The following VTI1A variants were observed in gnomAD, a reference collection of about 807,000 sequenced individuals.
VTI1A encodes the protein vesicle transport through interaction with t-SNAREs homolog 1A.
Under a neutral mutation model 34.9 loss-of-function variants are expected in VTI1A, and 22 were observed. The observed-to-expected ratio is 0.63, with a 90% CI of 0.45 to 0.90. The LOEUF is 0.90. Among genes scored for constraint, VTI1A ranks in the 40% least tolerant of loss-of-function variants. VTI1A has a pLI of 0.00. For synonymous variants in VTI1A, 87 were observed against 97.3 expected (o/e 0.89, Z 0.62); for missense variants, 268 against 275.6 (o/e 0.97, Z 0.20).
intron 5 of VTI1A, among the ~76,000 whole-genome samples, chr10:112,598,198 C>G (rs543144107): frequency 3.9e-5 from 6 of 152,196 alleles, no homozygotes; most frequent in African/African-American, 1.4e-4. Flanking sequence ...AGTTTTCTTG[C>G]AGTAAACTCT....
intron 5 of VTI1A, among the ~76,000 whole-genome samples, chr10:112,612,751 G>A (rs1360750154): frequency 6.6e-6 from 1 of 152,186 alleles, no homozygotes; most frequent in Non-Finnish European, 1.5e-5. Flanking sequence ...AGAAGGCTTT[G>A]TAGATAATAA....
Position 112,504,413 on chromosome 10 carries a change from G to A in VTI1A, c.265-22674G>A, listed in dbSNP as rs80193911. Among the ~76,000 whole-genome samples, 532 of 152,230 alleles carry A rather than the reference G, an allele frequency of 3.5e-3. 4 individuals are homozygous for A. Among genetic ancestry groups the A allele is most frequent in the African/African-American group, 0.012 (518 of 41,538 alleles). ...AAAATGGCACATCACACGAAAGACA[G>A]CATATGCTATACACACTATTTTACA... On this transcript the variant is annotated intron_variant, in intron 3 of 7. Transcript: ENST00000393077.
At chr10:112,544,627 A>G (rs1486653624) in intron 5 of VTI1A, among the ~76,000 whole-genome samples, 1 of 150,156 alleles carries the variant, frequency 6.7e-6, no homozygotes, top group East Asian at 2.0e-4. Context: ...CGCCTCCAGA[A>G]AAAAAAAAAA....
At chr10:112,783,401 G>GCTCACA (rs1491281369) in intron 7 of VTI1A, among the ~76,000 whole-genome samples, 1 of 150,310 alleles carries the variant, frequency 6.7e-6, no homozygotes, top group Non-Finnish European at 1.5e-5. Context: ...GCGTGCACGT[G>GCTCACA]CACACACACA....
chr10:112,558,032 C>T (rs1329593591), intron 5 of VTI1A, among the ~76,000 whole-genome samples: 1 of 152,188 alleles, frequency 6.6e-6, no homozygotes, highest in Non-Finnish European at 1.5e-5. Context: ...AGAAAATACG[C>T]ATGCACGTGT....
intron 3 of VTI1A, among the ~76,000 whole-genome samples, chr10:112,520,408 T>C (rs1849970501): frequency 6.6e-6 from 1 of 152,016 alleles, no homozygotes. Flanking sequence ...GAAACATTCA[T>C]GCTAAATTTA....
chr10:112,838,612 G>C, the VTI1A span, among the ~76,000 whole-genome samples: 6 of 152,260 alleles, frequency 3.9e-5, no homozygotes, highest in Non-Finnish European at 5.9e-5. Flanking sequence ...GGAACTCAGA[G>C]ACCCTTCACT....
chr10:112,604,181 C>T (rs1844986217), intron 5 of VTI1A, among the ~76,000 whole-genome samples: 1 of 152,178 alleles, frequency 6.6e-6, no homozygotes, highest in Admixed American at 6.5e-5. Flanking sequence ...CCTGGTTTTA[C>T]ATTTCAGCTG....
chr10:112,697,639 G>C (rs1017531980), intron 7 of VTI1A, among the ~76,000 whole-genome samples: 4 of 151,830 alleles, frequency 2.6e-5, no homozygotes. Context: ...CAGGTGATCC[G>C]CCCACCTCAG....
At chr10:112,673,631 C>G (rs1160500533) in intron 7 of VTI1A, among the ~76,000 whole-genome samples, 2 of 152,202 alleles carry the variant, frequency 1.3e-5, no homozygotes, top group Non-Finnish European at 2.9e-5. Context: ...TGCAGTTGAC[C>G]TAGCCAGGAC....
chr10:112,827,223 G>A, the VTI1A span: 7 of 152,150 alleles, frequency 4.6e-5, no homozygotes, highest in Admixed American at 3.3e-4. Flanking sequence ...CTAATTAATC[G>A]CTCTTCTCCG....
chr10:112,743,599 G>C (rs1414708775), intron 7 of VTI1A, among the ~76,000 whole-genome samples: 1 of 152,100 alleles, frequency 6.6e-6, no homozygotes, highest in Non-Finnish European at 1.5e-5. Flanking sequence ...TGAGCCAGGG[G>C]GGAGATATTT....
intron 4 of VTI1A, among the ~76,000 whole-genome samples, chr10:112,534,103 T>G (rs1453925210): frequency 1.3e-5 from 2 of 152,140 alleles, no homozygotes; most frequent in Non-Finnish European, 2.9e-5. Flanking sequence ...AAAGCTTTCG[T>G]CATTGTTAAA....
At chr10:112,813,481 T>A (rs1379346746) in intron 7 of VTI1A, among the ~76,000 whole-genome samples, 2 of 152,180 alleles carry the variant, frequency 1.3e-5, no homozygotes, top group Non-Finnish European at 2.9e-5. Context: ...CTGATGCGGG[T>A]GACTGTGGTA....
At chr10:112,656,933 G>A (rs34631421) in intron 5 of VTI1A, among the ~76,000 whole-genome samples, 16,878 of 152,074 alleles carry the variant, frequency 0.11, 974 homozygotes, top group Middle Eastern at 0.14. Flanking sequence ...TGATAGCGAG[G>A]GAGTTAGTTA....
intron 7 of VTI1A, among the ~76,000 whole-genome samples, chr10:112,675,030 A>G (rs779617389): frequency 1.3e-5 from 2 of 152,228 alleles, no homozygotes; most frequent in African/African-American, 2.4e-5. Flanking sequence ...AGTAAATAGA[A>G]AAATAAATAC....
chr10:112,623,772 G>C (rs1038811705), intron 5 of VTI1A, among the ~76,000 whole-genome samples: 1 of 152,150 alleles, frequency 6.6e-6, no homozygotes, highest in Admixed American at 6.5e-5. Flanking sequence ...AAAATACTGC[G>C]AGGGTTTCCA....
At chr10:112,642,971 T>A (rs923508472) in intron 5 of VTI1A, among the ~76,000 whole-genome samples, 3 of 114,938 alleles carry the variant, frequency 2.6e-5, no homozygotes, top group African/African-American at 9.1e-5. Context: ...TTCTTTTTTT[T>A]CTTTTCTTTT....
chr10:112,527,367 T>C (rs1051931473), intron 4 of VTI1A: 5 of 405,716 alleles, frequency 1.2e-5, no homozygotes, highest in African/African-American at 1.0e-4. Flanking sequence ...GTGATCACTG[T>C]CTGCTATCTT....
Sources: gnomAD v4.1 joint callset for allele counts (sites outside exome capture counted in the v4.1 genomes callset) on GRCh38, gnomAD v4.1.1 for gene constraint, MANE v1.5 for transcripts, NCBI Gene and HGNC (gene_info 2026-07-23, HGNC 2026-07-21) for gene names.